Variants in DCST2 observed in about 807,000 individuals in gnomAD.
DCST2 encodes DC-STAMP domain containing 2.
Under a neutral mutation model 81.8 loss-of-function variants are expected in DCST2, and 64 were observed. The observed-to-expected ratio is 0.78, with a 90% CI of 0.64 to 0.96. DCST2 has a LOEUF of 0.96. DCST2 is among the 40% of genes least tolerant of loss of function. The pLI is 0.00. For missense variants in DCST2, 945 were observed against 1,001.4 expected (o/e 0.94, Z 0.76); for synonymous variants, 354 against 402.6 (o/e 0.88, Z 1.44).
intron 3 of DCST2, 55 bp downstream of exon 3, chr1:155,032,612 C>A: frequency 6.6e-7 from 1 of 1,518,036 alleles, no homozygotes; most frequent in South Asian, 1.1e-5. Flanking sequence ...CCACCGCACC[C>A]GGCCAGGACT....
intron 4 of DCST2, 96 bp downstream of exon 4, chr1:155,031,478 G>A (rs11582128): frequency 0.13 from 165,744 of 1,282,996 alleles, 12,361 homozygotes; most frequent in Middle Eastern, 0.18. Context: ...CCCTCTAATC[G>A]TCCTCCTGAG....
At chr1:155,025,597 G>A (rs764949599) in intron 10 of DCST2, among the ~76,000 whole-genome samples, 1 of 152,032 alleles carries the variant, frequency 6.6e-6, no homozygotes, top group African/African-American at 2.4e-5. Context: ...AAAGTGCTGG[G>A]ATTACAGGCA....
rs141122264 is a variant in DCST2 at position 155,023,552 on chromosome 1, C to G, written c.1871-95G>C. 6 of 1,548,238 alleles carry G rather than the reference C, an allele frequency of 3.9e-6. No individual in the cohort carries two copies. The South Asian group carries it at 6.0e-5, about 15-fold the overall frequency. On this transcript the variant is annotated intron_variant, in intron 12 of 14. Transcript: ENST00000368424. ...CAGCCCCTGCCTCCCCTATCACAGACCTGGATGAACCATCCTTGTCAAGGG... is the reference window on the plus strand; with the variant it reads ...CAGCCCCTGCCTCCCCTATCACAGAGCTGGATGAACCATCCTTGTCAAGGG...
intron 12 of DCST2, 33 bp from the exon 13 acceptor site, chr1:155,023,490 C>T (rs1303671157): frequency 5.1e-6 from 8 of 1,558,780 alleles, no homozygotes; most frequent in African/African-American, 1.4e-5. Context: ...GAGGTGAACC[C>T]GAGTTCACCC....
chr1:155,033,196 G>T lies in DCST2; in HGVS notation c.337C>A (p.Leu113Ile). Residue 113 changes from leucine to isoleucine, a missense_variant, in exon 2 of 15, where the codon CTA becomes ATA. Leu to Ile is a conservative substitution (Grantham distance 5, BLOSUM62 2). Transcript: ENST00000368424. ...TCGCTGGCCCGGGTGAAGTTGCGTA[G>T]AGTGTTGGCACAAGGCCCTTGAAGC... is the stretch of plus-strand genomic sequence containing the variant. The part of the protein sequence containing the change: ...LVLQGPCANT[L>I]RNFTRASEAV... The T allele has an allele frequency of 3.7e-6, 6 of 1,613,946 alleles. No homozygotes were observed. Among genetic ancestry groups the T allele is most frequent in the Non-Finnish European group, 5.1e-6 (6 of 1,179,934 alleles).
chr1:155,026,636 A>C lies in DCST2; in HGVS notation c.1422T>G (p.Asp474Glu). The C allele has an allele frequency of 1.2e-6, 2 of 1,614,224 alleles. No homozygotes were observed. Among genetic ancestry groups the C allele is most frequent in the Non-Finnish European group, 1.7e-6 (2 of 1,180,034 alleles). ...TACTGATGTTGCCTTGCTGCAGGAC[A>C]TCAAATGCTGACACCAGGTCACGAT... The part of the protein sequence containing the change: ...NIYRDLVSAF[D>E]VLQQGNISIL... Residue 474 changes from aspartate to glutamate, a missense_variant, in exon 9 of 15, where the codon GAT becomes GAG. Transcript: ENST00000368424.
At chr1:155,020,003 G>T (rs1473945497) in intron 14 of DCST2, among the ~76,000 whole-genome samples, 1 of 152,142 alleles carries the variant, frequency 6.6e-6, no homozygotes, top group East Asian at 1.9e-4. Flanking sequence ...CCAAAGAGAA[G>T]CGAGGCCACC....
intron 4 of DCST2, 26 bp from the exon 5 acceptor site, chr1:155,031,260 C>G: frequency 6.4e-7 from 1 of 1,552,010 alleles, no homozygotes; most frequent in Non-Finnish European, 8.7e-7. Context: ...GGCTGAGTGT[C>G]GGAAGGAGGG....
At position 155,033,574 on chromosome 1, in the gene DCST2, A is replaced by G. The variant is rs1660170967; in HGVS notation, c.128T>C (p.Leu43Pro). 2 of 1,614,192 alleles carry G rather than the reference A, an allele frequency of 1.2e-6. No homozygotes were observed. Among genetic ancestry groups the G allele is most frequent in the Non-Finnish European group, 1.7e-6 (2 of 1,180,036 alleles). Reference protein sequence around the residue: ...GLSLATAYGLLELLVEGHSPW... With the variant: ...GLSLATAYGLPELLVEGHSPW... ...GCTGTGGCCTTCCACCAGTAGCTCC[A>G]GAAGCCCGTAGGCCGTGGCTAAAGA... The change falls in exon 1 of 15, where the codon CTG becomes CCG. Residue 43 changes from leucine (L) to proline (P), a missense_variant. By Grantham distance (98) the Leu-to-Pro change is moderately conservative. Transcript: ENST00000368424.
intron 5 of DCST2, 200 bp downstream of exon 5, chr1:155,030,969 G>A: frequency 1.6e-6 from 1 of 640,294 alleles, no homozygotes; most frequent in Admixed American, 3.1e-5. Context: ...GGCAGGCTGT[G>A]GTGAGGCACT....
In DCST2 at chr1:155,022,396, TCTC is replaced by T. The variant is rs529723373; in HGVS notation, c.2105+718_2105+720del. 1.1e-3 allele frequency among the ~76,000 whole-genome samples: 171 copies of T among 152,050 alleles called. 1 individual carries two copies. The highest frequency in any genetic ancestry group is 3.9e-3 in the African/African-American group (163 of 41,468). The stretch of plus-strand genomic sequence containing the variant: ...TCCCCTTGGAATGCTTTCCTCTACT[TCTC>T]AGCCTAACAAACCACCAAGTTGCCC... On this transcript the variant is annotated intron_variant, in intron 14 of 14. Coordinates refer to ENST00000368424, the MANE Select transcript of DCST2 (RefSeq NM_144622.3).
rs772766407 is a variant in DCST2 at position 155,030,129 on chromosome 1, C to A, written c.1132G>T (p.Val378Leu). 6.2e-7 allele frequency: 1 copy of A among 1,614,112 alleles called. No individual in the cohort carries two copies. Among genetic ancestry groups the A allele is most frequent in the Non-Finnish European group, 8.5e-7 (1 of 1,180,016 alleles). The change falls in exon 7 of 15, where the codon GTG (valine) becomes TTG (leucine). Residue 378 changes from valine to leucine, a missense_variant. Physicochemically the swap from Val to Leu is conservative, Grantham distance 32 (BLOSUM62 1). Transcript: ENST00000368424. ...GCCTCGTGAGCACTGAGCGGTAGCA[C>A]TGTGGGCAGCCCTGCCGTGGAGCGC... is the stretch of plus-strand genomic sequence containing the variant. ...AVRSTAGLPTVLPLSAHEARR... is the reference protein window; with the variant it reads ...AVRSTAGLPTLLPLSAHEARR...
At chr1:155,031,256 G>C (rs369221561) in intron 4 of DCST2, 22 bp from the exon 5 acceptor site, 23 of 1,554,300 alleles carry the variant, frequency 1.5e-5, no homozygotes, top group Non-Finnish European at 2.0e-5. Context: ...AGTCGGCTGA[G>C]TGTCGGAAGG....
Position 155,018,728 on chromosome 1 carries a change from C to T in DCST2, c.2138G>A (p.Arg713Lys), listed in dbSNP as rs1290489241. 6.2e-7 allele frequency: 1 copy of T among 1,613,662 alleles called. No homozygotes were observed. Among genetic ancestry groups the T allele is most frequent in the Admixed American group, 1.7e-5 (1 of 60,006 alleles). The change falls in exon 15 of 15, where the codon AGG (arginine) becomes AAG (lysine). Residue 713 changes from arginine (R) to lysine (K), a missense_variant. Physicochemically the swap from Arg to Lys is conservative, Grantham distance 26. Transcript: ENST00000368424. ...AGGTAAGGGCTGCTGCCCGTGCTTCCTCTGCTGAGGCCCCTTCTCCTCATC... is the reference window on the plus strand; with the variant it reads ...AGGTAAGGGCTGCTGCCCGTGCTTCTTCTGCTGAGGCCCCTTCTCCTCATC... ...DLDEEKGPQQ[R>K]KHGQQPLPEA...
intron 14 of DCST2, among the ~76,000 whole-genome samples, chr1:155,021,147 C>T (rs771271206): frequency 6.6e-6 from 1 of 151,914 alleles, no homozygotes; most frequent in Admixed American, 6.6e-5. Context: ...CTAACAGGTG[C>T]GTGCCACCAC....
At position 155,031,165 on chromosome 1, in the gene DCST2, T is replaced by C. The variant is rs1226298715; in HGVS notation, c.805+4A>G. 1 of 1,588,460 alleles carries C rather than the reference T, an allele frequency of 6.3e-7. No individual in the cohort carries two copies. Among genetic ancestry groups the C allele is most frequent in the Admixed American group, 1.9e-5 (1 of 51,984 alleles). The stretch of plus-strand genomic sequence containing the variant: ...ACCATATGTGGCAGGAGGGGGTCAC[T>C]CACGGGTGCCGATGGTCTGGCGCAA... On this transcript the variant is annotated splice_donor_region_variant and intron_variant, in intron 5 of 14. Coordinates refer to ENST00000368424, the MANE Select transcript of DCST2 (RefSeq NM_144622.3).
At chr1:155,018,919 T>C (rs1659661899) in intron 14 of DCST2, among the ~76,000 whole-genome samples, 159 bp from the exon 15 acceptor site, 1 of 152,118 alleles carries the variant, frequency 6.6e-6, no homozygotes, top group African/African-American at 2.4e-5. Context: ...CCCATGGCTG[T>C]AGATATTTTC....
chr1:155,030,312 C>T (rs931018846), intron 6 of DCST2, 71 bp from the exon 7 acceptor site: 3 of 1,602,926 alleles, frequency 1.9e-6, no homozygotes, highest in African/African-American at 1.3e-5. Flanking sequence ...GGCATCCGCG[C>T]TTCAACCCCA....
rs772525716 is a variant in DCST2 at position 155,030,412 on chromosome 1, G to A, written c.1019+20C>T. The A allele has an allele frequency of 2.0e-5, 33 of 1,609,932 alleles. No homozygotes were observed. The highest frequency in any genetic ancestry group is 6.7e-5 in the East Asian group (3 of 44,752). On this transcript the variant is annotated intron_variant, in intron 6 of 14. Coordinates refer to ENST00000368424, the MANE Select transcript of DCST2 (RefSeq NM_144622.3). ...GCACCCCCGGCCCTGCATCCCCCAC[G>A]CTGCCCGGCAGCCCCTCACTGGAGG...
Sources: gnomAD v4.1 joint callset for allele counts (sites outside exome capture counted in the v4.1 genomes callset) on GRCh38, gnomAD v4.1.1 for gene constraint, MANE v1.5 for transcripts, NCBI Gene and HGNC (gene_info 2026-07-23, HGNC 2026-07-21) for gene names.